Variants in TRPC4 observed in about 807,000 individuals in gnomAD.
The protein encoded by TRPC4 is short transient receptor potential channel 4.
Under a neutral mutation model 99.4 loss-of-function variants are expected in TRPC4, and 49 were observed. The observed-to-expected ratio is 0.49, with a 90% CI of 0.39 to 0.63. The LOEUF (loss-of-function observed/expected upper bound fraction) is 0.63, where lower values mean the gene tolerates loss of function less well. TRPC4 is among the 20% of genes least tolerant of loss of function. The pLI, the probability that TRPC4 is intolerant of heterozygous loss-of-function variation, is 0.00. For synonymous variants in TRPC4, 454 were observed against 425.9 expected, an observed-to-expected ratio of 1.07 and a Z score of -0.81; for missense variants, 898 against 1,152.9, an observed-to-expected ratio of 0.78 and a Z score of 3.20.
chr13:37,772,675 C>T (rs1280346320), intron 2 of TRPC4, among the ~76,000 whole-genome samples: 1 of 151,692 alleles, frequency 6.6e-6, no homozygotes, highest in Admixed American at 6.6e-5. Flanking sequence ...TTAACTTCAT[C>T]ATTTATATCA....
chr13:37,806,948 G>T (rs1221889219), intron 1 of TRPC4, among the ~76,000 whole-genome samples: 4 of 152,002 alleles, frequency 2.6e-5, no homozygotes, highest in Admixed American at 1.3e-4. Context: ...CTTCAAGAGG[G>T]CTGGACTTTA....
chr13:37,824,526 A>G (rs1958138608), intron 1 of TRPC4, among the ~76,000 whole-genome samples: 1 of 152,062 alleles, frequency 6.6e-6, no homozygotes, highest in Admixed American at 6.6e-5. Context: ...ATCTATTGAG[A>G]TAATCATGTG....
intron 3 of TRPC4, among the ~76,000 whole-genome samples, chr13:37,725,487 T>A (rs963604869): frequency 6.6e-6 from 1 of 152,028 alleles, no homozygotes; most frequent in Non-Finnish European, 1.5e-5. Context: ...GAAAGCAGTA[T>A]GAAAGAAGAC....
intron 1 of TRPC4, among the ~76,000 whole-genome samples, chr13:37,852,266 C>G (rs534870224): frequency 3.6e-4 from 55 of 152,282 alleles, no homozygotes; most frequent in African/African-American, 1.3e-3. Context: ...AAAGACGACT[C>G]TGTCTTGTAT....
At chr13:37,661,499 G>T (rs1952436548) in intron 6 of TRPC4, among the ~76,000 whole-genome samples, 1 of 152,190 alleles carries the variant, frequency 6.6e-6, no homozygotes. Context: ...AGTTTTAAAT[G>T]CTACGTGGAA....
intron 1 of TRPC4, among the ~76,000 whole-genome samples, chr13:37,784,575 G>C (rs1354375368): frequency 6.6e-6 from 1 of 151,840 alleles, no homozygotes; most frequent in Non-Finnish European, 1.5e-5. Flanking sequence ...ATATTTATTT[G>C]GATATGTTTG....
chr13:37,848,396 C>A (rs1958963227), intron 1 of TRPC4, among the ~76,000 whole-genome samples: 3 of 152,096 alleles, frequency 2.0e-5, no homozygotes, highest in Non-Finnish European at 4.4e-5. Context: ...GCTATCACAG[C>A]ACCATCCATA....
At chr13:37,706,105 A>G (rs1336707895) in intron 3 of TRPC4, among the ~76,000 whole-genome samples, 4 of 152,300 alleles carry the variant, frequency 2.6e-5, no homozygotes, top group South Asian at 2.1e-4. Flanking sequence ...ATAATGAGAT[A>G]TTTGAAGAAG....
chr13:37,746,916 T>A (rs562213068), intron 2 of TRPC4, among the ~76,000 whole-genome samples: 1 of 152,220 alleles, frequency 6.6e-6, no homozygotes, highest in South Asian at 2.1e-4. Flanking sequence ...TTAGGTTTTG[T>A]CTTTTGTTTG....
intron 3 of TRPC4, among the ~76,000 whole-genome samples, chr13:37,695,099 G>A (rs1017490974): frequency 3.9e-5 from 6 of 151,986 alleles, no homozygotes; most frequent in African/African-American, 1.4e-4. Flanking sequence ...TCTTTAATTT[G>A]TAACATAGAT....
intron 1 of TRPC4, among the ~76,000 whole-genome samples, chr13:37,844,382 T>A (rs1175990987): frequency 6.6e-6 from 1 of 151,932 alleles, no homozygotes; most frequent in African/African-American, 2.4e-5. Flanking sequence ...GCAACCTCCA[T>A]CTCCCAGGTT....
chr13:37,741,087 A>C (rs1291208847), intron 3 of TRPC4, among the ~76,000 whole-genome samples: 1 of 152,206 alleles, frequency 6.6e-6, no homozygotes, highest in African/African-American at 2.4e-5. Flanking sequence ...TAATGTTTTT[A>C]GACAAATAAT....
At chr13:37,651,230 A>T (rs2138612959) in intron 8 of TRPC4, 35 bp downstream of exon 8, 1 of 1,609,076 alleles carries the variant, frequency 6.2e-7, no homozygotes, top group Non-Finnish European at 8.5e-7. Context: ...TACACAATTT[A>T]AAAAAAGAGT....
intron 2 of TRPC4, among the ~76,000 whole-genome samples, chr13:37,756,478 GC>G (rs1956099387): frequency 6.6e-6 from 1 of 151,482 alleles, no homozygotes; most frequent in African/African-American, 2.4e-5. Flanking sequence ...AAAGACTTGT[GC>G]TTTTTACTTC....
intron 1 of TRPC4, among the ~76,000 whole-genome samples, chr13:37,792,943 A>G (rs1957159107): frequency 1.3e-5 from 2 of 152,086 alleles, no homozygotes; most frequent in Admixed American, 1.3e-4. Flanking sequence ...CTGTTGTTGC[A>G]GTGGTGGTGG....
chr13:37,692,058 A>G lies in TRPC4; in HGVS notation c.1175T>C (p.Leu392Ser). 1 of 1,613,740 alleles carries G rather than the reference A, an allele frequency of 6.2e-7. No homozygotes were observed. Among genetic ancestry groups the G allele is most frequent in the Non-Finnish European group, 8.5e-7 (1 of 1,179,802 alleles). ...GGTTGGTGGTGGACCTTGCCTGTTC[A>G]AGTCTGACCTGTCGATGTGCTGAGA... is the stretch of plus-strand genomic sequence containing the variant. Reference protein sequence around the residue: ...LASQHIDRSDLNRQGPPPTIV... With the variant: ...LASQHIDRSDSNRQGPPPTIV... The change falls in exon 4 of 11, where the codon TTG becomes TCG. Residue 392 changes from leucine to serine, a missense_variant. By Grantham distance (145) the Leu-to-Ser change is moderately radical. This residue lies in a region of TRPC4 where 274 missense variants were observed against 454.9 expected (regional missense o/e 0.60). Transcript: ENST00000379705.
At chr13:37,868,708 A>G (rs959684545) in intron 1 of TRPC4, among the ~76,000 whole-genome samples, 2 of 151,888 alleles carry the variant, frequency 1.3e-5, no homozygotes, top group African/African-American at 2.4e-5. Flanking sequence ...CTTACTCCTT[A>G]AGCAACTTGC....
chr13:37,691,141 G>A (rs1028631886), intron 4 of TRPC4, among the ~76,000 whole-genome samples: 2 of 151,680 alleles, frequency 1.3e-5, no homozygotes, highest in East Asian at 1.9e-4. Context: ...TCACTCTGTC[G>A]CCCAGGCTGG....
intron 4 of TRPC4, among the ~76,000 whole-genome samples, chr13:37,675,262 A>C (rs1953006860): frequency 1.3e-5 from 2 of 152,168 alleles, no homozygotes. Flanking sequence ...AAAAATCATA[A>C]TTTTCCAAGC....
Sources: allele counts gnomAD v4.1 joint callset (sites outside exome capture counted in the v4.1 genomes callset), GRCh38; gene constraint gnomAD v4.1.1; regional missense constraint gnomAD v4.1.1; transcripts MANE v1.5; gene names NCBI Gene and HGNC (gene_info 2026-07-23, HGNC 2026-07-21).